The following RASSF3 variants were observed in gnomAD, a reference collection of about 807,000 sequenced individuals.
The protein encoded by RASSF3 is ras association domain-containing protein 3.
RASSF3 carries 19 observed loss-of-function variants against 19.9 expected under a neutral mutation model. The ratio of observed to expected loss-of-function variants is 0.96; its 90% CI spans 0.67 to 1.40. The LOEUF (loss-of-function observed/expected upper bound fraction) is 1.40, where lower values mean the gene tolerates loss of function less well. Among genes scored for constraint, RASSF3 ranks in the 40% most tolerant of loss-of-function variants. The probability of loss-of-function intolerance (pLI) is 0.00; values close to 1 mark genes in which losing one functional copy is unlikely to be tolerated. For synonymous variants in RASSF3, 110 were observed against 104.2 expected (o/e 1.06, Z -0.34); for missense variants, 306 against 289.8 (o/e 1.06, Z -0.41).
At chr12:64,693,199 T>A (rs1868310070) in intron 4 of RASSF3, among the ~76,000 whole-genome samples, 1 of 151,362 alleles carries the variant, frequency 6.6e-6, no homozygotes, top group Non-Finnish European at 1.5e-5. Context: ...CAGGAATTCT[T>A]CTACCACTGA....
chr12:64,532,713 A>T (rs980121575), upstream of RASSF3, among the ~76,000 whole-genome samples: 1 of 151,810 alleles, frequency 6.6e-6, no homozygotes, highest in African/African-American at 2.4e-5. Context: ...ACACTTGCCT[A>T]TGTTCCCAGC....
At chr12:64,672,888 G>A (rs1273062211) in intron 1 of RASSF3, among the ~76,000 whole-genome samples, 1 of 152,140 alleles carries the variant, frequency 6.6e-6, no homozygotes, top group Non-Finnish European at 1.5e-5. Context: ...TGGCAGAGTG[G>A]CTACTCCATT....
chr12:64,662,854 A>T (rs1872416741), intron 1 of RASSF3, among the ~76,000 whole-genome samples: 1 of 152,010 alleles, frequency 6.6e-6, no homozygotes, highest in Non-Finnish European at 1.5e-5. Flanking sequence ...CCTGGCTGGG[A>T]ATGAGGGCTC....
intron 2 of RASSF3, among the ~76,000 whole-genome samples, chr12:64,586,448 C>T (rs1240722909): frequency 7.5e-6 from 1 of 132,546 alleles, no homozygotes; most frequent in African/African-American, 2.9e-5. Flanking sequence ...TGAGATTGTG[C>T]CACTGCACTC....
chr12:64,691,921 TTTGAAAG>T (rs1359238484), intron 4 of RASSF3, among the ~76,000 whole-genome samples: 26 of 152,190 alleles, frequency 1.7e-4, no homozygotes, highest in African/African-American at 6.0e-4. Context: ...CCAGCTGAAC[TTTGAAAG>T]TTGACACTCA....
intron 1 of RASSF3, among the ~76,000 whole-genome samples, chr12:64,642,694 A>T (rs1871587059): frequency 6.8e-6 from 1 of 146,122 alleles, no homozygotes; most frequent in Admixed American, 6.9e-5. Flanking sequence ...AAGTTTTGTA[A>T]TACAAAACTT....
downstream of RASSF3, among the ~76,000 whole-genome samples, chr12:64,544,659 T>C (rs1285679636): frequency 6.6e-6 from 1 of 152,126 alleles, no homozygotes; most frequent in Non-Finnish European, 1.5e-5. Flanking sequence ...TGGGGGCACT[T>C]GCATTAAATT....
intron 2 of RASSF3, among the ~76,000 whole-genome samples, chr12:64,577,521 A>G (rs1472355308): frequency 6.6e-6 from 1 of 152,214 alleles, no homozygotes; most frequent in Non-Finnish European, 1.5e-5. Context: ...ACCTGGGGTC[A>G]GGAGTTGGAG....
intron 2 of RASSF3, among the ~76,000 whole-genome samples, chr12:64,587,964 A>C (rs999597943): frequency 1.3e-5 from 2 of 152,222 alleles, no homozygotes; most frequent in African/African-American, 4.8e-5. Flanking sequence ...TATTTACCAA[A>C]GTACATTTAT....
At chr12:64,552,376 T>C (rs1869179497) in intron 2 of RASSF3, among the ~76,000 whole-genome samples, 1 of 152,092 alleles carries the variant, frequency 6.6e-6, no homozygotes, top group South Asian at 2.1e-4. Context: ...AAATTTAATT[T>C]TTATTTTTAG....
intron 1 of RASSF3, among the ~76,000 whole-genome samples, chr12:64,659,261 G>T (rs1211130368): frequency 6.6e-6 from 1 of 152,170 alleles, no homozygotes; most frequent in African/African-American, 2.4e-5. Context: ...GAGGTGAAGT[G>T]TGGGGATAAG....
At chr12:64,515,822 G>T (rs1446572368) in intron 1 of RASSF3, among the ~76,000 whole-genome samples, 1 of 152,126 alleles carries the variant, frequency 6.6e-6, no homozygotes, top group East Asian at 1.9e-4. Flanking sequence ...ACCACACATG[G>T]GTTAAAAAGT....
At chr12:64,627,695 A>G (rs1871041095) in intron 1 of RASSF3, among the ~76,000 whole-genome samples, 1 of 152,230 alleles carries the variant, frequency 6.6e-6, no homozygotes, top group African/African-American at 2.4e-5. Context: ...AGGGAGTAAT[A>G]ATAAAACAAC....
intron 1 of RASSF3, among the ~76,000 whole-genome samples, chr12:64,513,412 T>A (rs1868339846): frequency 6.9e-6 from 1 of 145,852 alleles, no homozygotes; most frequent in South Asian, 2.1e-4. Context: ...ATCATGCCAC[T>A]GCACTCCAGC....
At chr12:64,535,279 G>A (rs908026315) in intron 1 of RASSF3, among the ~76,000 whole-genome samples, 1 of 151,528 alleles carries the variant, frequency 6.6e-6, no homozygotes, top group Admixed American at 6.6e-5. Context: ...TCATGCCACT[G>A]CACTCCAGCT....
At chr12:64,687,458 G>T (rs1301547477) in intron 2 of RASSF3, among the ~76,000 whole-genome samples, 2 of 150,098 alleles carry the variant, frequency 1.3e-5, no homozygotes, top group East Asian at 2.0e-4. Flanking sequence ...GTTTTTTTTT[G>T]TTTTGTTTTG....
chr12:64,511,181 C>T (rs1565828871), intron 1 of RASSF3, among the ~76,000 whole-genome samples: 2 of 152,166 alleles, frequency 1.3e-5, no homozygotes, highest in Non-Finnish European at 2.9e-5. Flanking sequence ...CCTTCATCTG[C>T]AGAAACAGGA....
intron 1 of RASSF3, among the ~76,000 whole-genome samples, chr12:64,614,335 C>T (rs1180736279): frequency 6.6e-6 from 1 of 152,042 alleles, no homozygotes; most frequent in African/African-American, 2.4e-5. Context: ...ACCATGTTGG[C>T]CAGGCTGGTC....
chr12:64,533,393 C>T (rs1166699924), intron 1 of RASSF3: 1 of 152,258 alleles, frequency 6.6e-6, no homozygotes, highest in Non-Finnish European at 1.5e-5. Context: ...CAGAATAAGT[C>T]CCCATGTCGG....
Sources: allele counts gnomAD v4.1 joint callset (sites outside exome capture counted in the v4.1 genomes callset), GRCh38; gene constraint gnomAD v4.1.1; transcripts MANE v1.5; gene names NCBI Gene and HGNC (gene_info 2026-07-23, HGNC 2026-07-21).